Variants in RBFOX1 observed in about 807,000 individuals in gnomAD.
RBFOX1 encodes RNA binding fox-1 homolog 1.
In RBFOX1, 8 loss-of-function variants were observed where a neutral mutation model predicts 57.7. The ratio of observed to expected loss-of-function variants is 0.14; its 90% confidence interval spans 0.08 to 0.25. The LOEUF (loss-of-function observed/expected upper bound fraction) is 0.25, where lower values mean the gene tolerates loss of function less well. Among genes scored for constraint, RBFOX1 ranks in the 10% least tolerant of loss-of-function variants. The probability of loss-of-function intolerance (pLI) is 1.00; values close to 1 mark genes in which losing one functional copy is unlikely to be tolerated. For synonymous variants in RBFOX1, 326 were observed against 222.4 expected (o/e 1.47, Z -4.15); for missense variants, 611 against 548.5 (o/e 1.11, Z -1.14).
intron 4 of RBFOX1, among the ~76,000 whole-genome samples, chr16:7,208,391 C>T (rs376922026): frequency 6.6e-6 from 1 of 152,152 alleles, no homozygotes; most frequent in African/African-American, 2.4e-5. Context: ...GTTCTGCAGG[C>T]TGTGTAAGAA....
Position 6,343,526 on chromosome 16 carries a change from T to G in RBFOX1, c.-64+26469T>G, listed in dbSNP as rs569736643. Among the ~76,000 whole-genome samples the G allele has an allele frequency of 1.0e-3, 153 of 152,344 alleles. 2 individuals are homozygous for G. Among genetic ancestry groups the G allele is most frequent in the African/African-American group, 3.5e-3 (146 of 41,588 alleles). On this transcript the variant is annotated intron_variant, in intron 2 of 15. Coordinates refer to ENST00000550418, the MANE Select transcript of RBFOX1 (RefSeq NM_018723.4). The stretch of plus-strand genomic sequence containing the variant: ...CTCCTGAGGTGGAACATATTTCCTG[T>G]TCTCTTTCATTCCTTCCTTCTTTCA...
chr16:6,958,105 C>T (rs2082242226), intron 3 of RBFOX1, among the ~76,000 whole-genome samples: 1 of 151,982 alleles, frequency 6.6e-6, no homozygotes. Flanking sequence ...TTGTGAGCTG[C>T]AGAAATGGGT....
rs1568687217 is a variant in RBFOX1, at chr16:7,407,376, GTGTGT to G, written c.28-110770_28-110766del. Among the ~76,000 whole-genome samples the G allele has an allele frequency of 2.7e-3, 45 of 16,440 alleles. No homozygotes were observed. In the Middle Eastern group the frequency reaches 0.14, roughly 50 times the overall value. The allele number at this position is 16,440 out of a possible 152,430, so 10.8% of individuals were successfully genotyped here. On this transcript the variant is annotated intron_variant, in intron 4 of 15. Transcript: ENST00000550418. ...TTGACTTCAAGGGATTTGTATGGGT[GTGTGT>G]GTGTGTGTGTGTGTGTGTGTGTGTA...
intron 3 of RBFOX1, among the ~76,000 whole-genome samples, chr16:5,654,612 C>G (rs2049363378): frequency 6.6e-6 from 1 of 152,128 alleles, no homozygotes; most frequent in Non-Finnish European, 1.5e-5. Context: ...TCATCCAGCC[C>G]CACTGAGCCT....
chr16:7,290,705 A>G (rs771692083), intron 4 of RBFOX1, among the ~76,000 whole-genome samples: 40 of 152,200 alleles, frequency 2.6e-4, no homozygotes, highest in Non-Finnish European at 5.6e-4. Flanking sequence ...GAGGGGAAAA[A>G]TACCGTTCTC....
intron 9 of RBFOX1, among the ~76,000 whole-genome samples, chr16:7,598,397 C>G (rs183732397): frequency 4.0e-5 from 6 of 151,874 alleles, no homozygotes; most frequent in African/African-American, 1.5e-4. Flanking sequence ...TTCTTTGATT[C>G]AGGTTCATAA....
At chr16:6,317,927 G>T (rs1182141602) in intron 2 of RBFOX1, among the ~76,000 whole-genome samples, 1 of 152,144 alleles carries the variant, frequency 6.6e-6, no homozygotes, top group East Asian at 1.9e-4. Context: ...TTTCTTAGCA[G>T]GTTCTACTTC....
chr16:6,490,146 G>A (rs1646840400), intron 2 of RBFOX1, among the ~76,000 whole-genome samples: 1 of 152,152 alleles, frequency 6.6e-6, no homozygotes, highest in Non-Finnish European at 1.5e-5. Flanking sequence ...CTCAGTCTCA[G>A]TTGGGTTTTT....
chr16:5,329,906 C>T (rs908959234), intron 1 of RBFOX1, among the ~76,000 whole-genome samples: 1 of 151,594 alleles, frequency 6.6e-6, no homozygotes, highest in Non-Finnish European at 1.5e-5. Flanking sequence ...TGGCGTGAAT[C>T]CGGGAGGTGG....
intron 3 of RBFOX1, among the ~76,000 whole-genome samples, chr16:5,645,498 C>G (rs1200057125): frequency 1.3e-5 from 2 of 152,148 alleles, no homozygotes; most frequent in Non-Finnish European, 1.5e-5. Flanking sequence ...ATACTAAATG[C>G]TTATGAATAT....
At chr16:6,748,227 A>G (rs1027494690) in intron 3 of RBFOX1, among the ~76,000 whole-genome samples, 1 of 152,108 alleles carries the variant, frequency 6.6e-6, no homozygotes, top group African/African-American at 2.4e-5. Context: ...TGCTGTGCAT[A>G]AATTCCAGAA....
chr16:5,619,522 G>A (rs1274707790), intron 3 of RBFOX1, among the ~76,000 whole-genome samples: 6 of 152,170 alleles, frequency 3.9e-5, no homozygotes, highest in East Asian at 1.9e-4. Flanking sequence ...TATCCTGTTA[G>A]CCTTTCACTC....
chr16:7,029,071 TATATATATATACAC>T (rs1158482577), intron 3 of RBFOX1, among the ~76,000 whole-genome samples: 10 of 25,544 alleles, frequency 3.9e-4, no homozygotes, highest in African/African-American at 2.0e-3. Flanking sequence ...TATATATATA[TATATATATATACAC>T]ACACACACAC....
At chr16:5,432,303 C>T (rs1203731475) in intron 1 of RBFOX1, among the ~76,000 whole-genome samples, 4 of 147,994 alleles carry the variant, frequency 2.7e-5, no homozygotes, top group South Asian at 2.2e-4. Context: ...AGGCAGGCCT[C>T]GCCGCAAGAA....
rs1012557439 is a variant in RBFOX1 at position 7,696,554 on chromosome 16, C to T, written c.996-12502C>T. ...TCAGTGACTAGAAATTCATTTTAGTCGATTAATATCTCTAGTCCTTTGTGG... is the reference window on the plus strand; with the variant it reads ...TCAGTGACTAGAAATTCATTTTAGTTGATTAATATCTCTAGTCCTTTGTGG... On this transcript the variant is annotated intron_variant, in intron 14 of 15. Coordinates refer to ENST00000550418, the MANE Select transcript of RBFOX1 (RefSeq NM_018723.4). 1.8e-4 allele frequency among the ~76,000 whole-genome samples: 27 copies of T among 146,298 alleles called. No individual in the cohort carries two copies. In the Middle Eastern group the frequency reaches 0.011, roughly 58 times the overall value.
intron 3 of RBFOX1, among the ~76,000 whole-genome samples, chr16:6,959,033 C>G (rs2153541750): frequency 6.6e-6 from 1 of 152,140 alleles, no homozygotes; most frequent in East Asian, 1.9e-4. Context: ...AGTCATTTTT[C>G]AGAATAAAAC....
chr16:7,623,549 A>G (rs2059628518), intron 10 of RBFOX1, among the ~76,000 whole-genome samples: 1 of 152,128 alleles, frequency 6.6e-6, no homozygotes, highest in Non-Finnish European at 1.5e-5. Context: ...ATCTGACAGG[A>G]GGTGGAGCTC....
At chr16:7,017,625 T>C (rs900675474) in intron 3 of RBFOX1, among the ~76,000 whole-genome samples, 2 of 152,102 alleles carry the variant, frequency 1.3e-5, no homozygotes, top group Non-Finnish European at 2.9e-5. Flanking sequence ...TGGCCTCAGG[T>C]TGAAATGAGT....
intron 3 of RBFOX1, among the ~76,000 whole-genome samples, chr16:6,779,359 G>A (rs1166255305): frequency 1.3e-5 from 2 of 151,868 alleles, no homozygotes; most frequent in African/African-American, 2.4e-5. Context: ...ATGCTTTTTT[G>A]TGGTTGAATA....
Sources: allele counts gnomAD v4.1 joint callset (sites outside exome capture counted in the v4.1 genomes callset), GRCh38; gene constraint gnomAD v4.1.1; transcripts MANE v1.5; gene names NCBI Gene and HGNC (gene_info 2026-07-23, HGNC 2026-07-21).